Variants in CDKAL1 observed in about 807,000 individuals in gnomAD.
CDKAL1 encodes the protein CDKAL1 threonylcarbamoyladenosine tRNA methylthiotransferase, also known as threonylcarbamoyladenosine tRNA methylthiotransferase.
A neutral mutation model predicts 68.2 loss-of-function variants in CDKAL1; 32 were observed. The observed-to-expected ratio is 0.47, with a 90% confidence interval of 0.35 to 0.63. CDKAL1 has a LOEUF of 0.63. Among genes scored for constraint, CDKAL1 ranks in the 30% least tolerant of loss-of-function variants. The pLI is 0.00. For missense variants in CDKAL1, 606 were observed against 696.7 expected (o/e 0.87, Z 1.47); for synonymous variants, 234 against 244.3 (o/e 0.96, Z 0.39).
chr6:20,831,403 G>A (rs1777712496), intron 8 of CDKAL1, among the ~76,000 whole-genome samples: 1 of 118,218 alleles, frequency 8.5e-6, no homozygotes, highest in Non-Finnish European at 1.8e-5. Flanking sequence ...TTGGTTGTGC[G>A]ATGTGCGGAC....
At chr6:21,137,982 C>T (rs1343325961) in intron 13 of CDKAL1, among the ~76,000 whole-genome samples, 1 of 152,152 alleles carries the variant, frequency 6.6e-6, no homozygotes, top group African/African-American at 2.4e-5. Context: ...CTTTTAGTCT[C>T]CTTTCAGTTG....
intron 5 of CDKAL1, among the ~76,000 whole-genome samples, chr6:20,708,401 A>G (rs1404355865): frequency 3.9e-5 from 6 of 152,128 alleles, no homozygotes; most frequent in Admixed American, 2.0e-4. Flanking sequence ...AGGAATTTCT[A>G]TCCTTTTCTA....
intron 13 of CDKAL1, among the ~76,000 whole-genome samples, chr6:21,175,837 T>A (rs1400663962): frequency 6.6e-6 from 1 of 152,248 alleles, no homozygotes. Flanking sequence ...GCAGGCTTCA[T>A]GGTAGTAATC....
intron 10 of CDKAL1, among the ~76,000 whole-genome samples, chr6:20,982,025 C>T: frequency 6.6e-6 from 1 of 151,870 alleles, no homozygotes; most frequent in South Asian, 2.1e-4. Context: ...ATCACTTTTT[C>T]TCACCTAAGA....
At chr6:20,714,687 T>C (rs961371610) in intron 5 of CDKAL1, among the ~76,000 whole-genome samples, 1 of 152,154 alleles carries the variant, frequency 6.6e-6, no homozygotes, top group African/African-American at 2.4e-5. Context: ...GAAATGAAAA[T>C]TGGCAGACTT....
intron 4 of CDKAL1, among the ~76,000 whole-genome samples, chr6:20,591,552 A>G (rs760823936): frequency 5.9e-5 from 9 of 152,126 alleles, no homozygotes; most frequent in Non-Finnish European, 1.5e-5. Context: ...GAAGGGGTCC[A>G]GTTTCTGTTA....
intron 12 of CDKAL1, among the ~76,000 whole-genome samples, chr6:21,077,199 A>C (rs1772119262): frequency 6.6e-6 from 1 of 152,168 alleles, no homozygotes; most frequent in African/African-American, 2.4e-5. Flanking sequence ...TGTTATCTAC[A>C]TTTCCCATTC....
At chr6:21,204,442 T>C (rs1778819032) in intron 15 of CDKAL1, among the ~76,000 whole-genome samples, 1 of 152,278 alleles carries the variant, frequency 6.6e-6, no homozygotes, top group East Asian at 1.9e-4. Context: ...AGATAAAGAT[T>C]CCTTTTACAA....
chr6:20,686,032 A>C (rs545732565), intron 5 of CDKAL1, among the ~76,000 whole-genome samples: 1 of 150,194 alleles, frequency 6.7e-6, no homozygotes, highest in Non-Finnish European at 1.5e-5. Context: ...GTTGACTTTT[A>C]TATATTAATT....
chr6:20,572,587 T>C (rs1040830807), intron 4 of CDKAL1, among the ~76,000 whole-genome samples: 3 of 152,206 alleles, frequency 2.0e-5, no homozygotes, highest in African/African-American at 7.2e-5. Flanking sequence ...TGCTTTCTTA[T>C]ACTTTATTTA....
chr6:20,715,371 T>A (rs889493342), intron 5 of CDKAL1, among the ~76,000 whole-genome samples: 2 of 152,240 alleles, frequency 1.3e-5, no homozygotes, highest in African/African-American at 4.8e-5. Context: ...TTCAGGCCCA[T>A]CCATGACGGG....
intron 13 of CDKAL1, among the ~76,000 whole-genome samples, chr6:21,190,628 A>G (rs1336007832): frequency 6.6e-6 from 1 of 152,146 alleles, no homozygotes. Context: ...CGGCCTCCCA[A>G]AGTTCTGGGA....
chr6:20,854,933 A>T (rs183678509), intron 9 of CDKAL1, among the ~76,000 whole-genome samples: 1 of 152,330 alleles, frequency 6.6e-6, no homozygotes, highest in East Asian at 1.9e-4. Context: ...GGCCATAATC[A>T]CACATGTGGT....
intron 9 of CDKAL1, among the ~76,000 whole-genome samples, chr6:20,871,456 TAAATG>T (rs1230000803): frequency 6.6e-6 from 1 of 152,188 alleles, no homozygotes; most frequent in African/African-American, 2.4e-5. Flanking sequence ...TGGCAAGAAA[TAAATG>T]AAAACGAAGT....
intron 5 of CDKAL1, among the ~76,000 whole-genome samples, chr6:20,715,595 T>G (rs10946402): frequency 0.23 from 35,046 of 152,052 alleles, 4,456 homozygotes; most frequent in East Asian, 0.47. Flanking sequence ...CTGGGTCATA[T>G]GGTAGTTCTA....
chr6:21,061,037 A>C (rs1050994133), intron 11 of CDKAL1, among the ~76,000 whole-genome samples: 2 of 152,142 alleles, frequency 1.3e-5, no homozygotes, highest in African/African-American at 4.8e-5. Flanking sequence ...AAATCTTGAG[A>C]TGAATGTTTA....
chr6:20,912,714 GC>G (rs762021146), intron 9 of CDKAL1, among the ~76,000 whole-genome samples: 29 of 151,970 alleles, frequency 1.9e-4, no homozygotes, highest in Non-Finnish European at 3.8e-4. Flanking sequence ...GCTATCTATT[GC>G]TATATAACAA....
intron 13 of CDKAL1, among the ~76,000 whole-genome samples, chr6:21,191,991 T>C (rs1459132435): frequency 8.2e-6 from 1 of 122,318 alleles, no homozygotes; most frequent in African/African-American, 3.1e-5. Context: ...AATTCATTTT[T>C]CTTTTTTTTT....
Position 21,011,792 on chromosome 6 carries a change from T to G in CDKAL1, c.1055+11420T>G, listed in dbSNP as rs190427262. On this transcript the variant is annotated intron_variant, in intron 11 of 15. Transcript: ENST00000274695. ...TTCACACAATTATACTTTATAGGTTTCATTTTATCCGTGATATCATTAAAT... is the reference window on the plus strand; with the variant it reads ...TTCACACAATTATACTTTATAGGTTGCATTTTATCCGTGATATCATTAAAT... Among the ~76,000 whole-genome samples the G allele has an allele frequency of 3.0e-3, 464 of 152,338 alleles. 1 individual carries two copies. The highest frequency in any genetic ancestry group is 4.7e-3 in the Non-Finnish European group (319 of 68,028).
Sources: allele counts gnomAD v4.1 joint callset (sites outside exome capture counted in the v4.1 genomes callset), GRCh38; gene constraint gnomAD v4.1.1; transcripts MANE v1.5; gene names NCBI Gene and HGNC (gene_info 2026-07-23, HGNC 2026-07-21).